The following PHACTR1 variants were observed in gnomAD, a reference collection of about 807,000 sequenced individuals.
The protein encoded by PHACTR1 is RPEL repeat containing 1.
In PHACTR1, 16 loss-of-function variants were observed where a neutral mutation model predicts 69.2. That is an observed-to-expected ratio of 0.23 (90% CI 0.16 to 0.35). PHACTR1 has a LOEUF of 0.35. PHACTR1 is among the 10% of genes least tolerant of loss of function. The pLI is 1.00. For synonymous variants in PHACTR1, 312 were observed against 284.5 expected, an observed-to-expected ratio of 1.10 and a Z score of -0.97; for missense variants, 510 against 734.7, an observed-to-expected ratio of 0.69 and a Z score of 3.54.
chr6:12,721,375 T>C (rs1175992304), intron 3 of PHACTR1, among the ~76,000 whole-genome samples: 1 of 147,496 alleles, frequency 6.8e-6, no homozygotes, highest in East Asian at 2.0e-4. Context: ...CAGAGTGAGA[T>C]TCTGTCAAAA....
chr6:12,800,965 C>T (rs1218750050), intron 4 of PHACTR1, among the ~76,000 whole-genome samples: 1 of 151,696 alleles, frequency 6.6e-6, no homozygotes, highest in African/African-American at 2.4e-5. Context: ...TGAATTATGC[C>T]AATACATTTT....
intron 4 of PHACTR1, among the ~76,000 whole-genome samples, chr6:12,888,148 A>T (rs1469996236): frequency 6.6e-6 from 1 of 150,854 alleles, no homozygotes; most frequent in Non-Finnish European, 1.5e-5. Context: ...CTCTGCTTCC[A>T]TAAATGGATT....
chr6:12,875,080 C>T (rs890816409), intron 4 of PHACTR1, among the ~76,000 whole-genome samples: 16 of 152,064 alleles, frequency 1.1e-4, no homozygotes, highest in African/African-American at 3.9e-4. Flanking sequence ...TAAAAAGAAC[C>T]AAGCTTACAG....
At chr6:12,930,360 G>C (rs1788732551) in intron 4 of PHACTR1, among the ~76,000 whole-genome samples, 2 of 152,164 alleles carry the variant, frequency 1.3e-5, no homozygotes, top group Non-Finnish European at 2.9e-5. Context: ...ATTTTTTTGG[G>C]TGTGTGGAGA....
At chr6:12,743,680 G>A (rs1765372757) in intron 3 of PHACTR1, among the ~76,000 whole-genome samples, 2 of 152,150 alleles carry the variant, frequency 1.3e-5, no homozygotes, top group Admixed American at 1.3e-4. Context: ...GACCTACAGA[G>A]ACTTAGACTA....
intron 10 of PHACTR1, among the ~76,000 whole-genome samples, chr6:13,243,244 CTTTTT>C (rs58107564): frequency 7.3e-6 from 1 of 136,262 alleles, no homozygotes; most frequent in Non-Finnish European, 1.6e-5. Context: ...TGTCAGACCA[CTTTTT>C]TTTTTTTTTT....
intron 4 of PHACTR1, among the ~76,000 whole-genome samples, chr6:12,973,534 AT>A (rs576704405): frequency 1.4e-3 from 210 of 152,362 alleles, no homozygotes; most frequent in African/African-American, 4.9e-3. Flanking sequence ...TTTACATTGC[AT>A]TATAAACTGT....
chr6:13,040,417 G>A (rs1803961243), intron 4 of PHACTR1, among the ~76,000 whole-genome samples: 1 of 152,108 alleles, frequency 6.6e-6, no homozygotes, highest in South Asian at 2.1e-4. Context: ...GTGTCCTAAA[G>A]GAAAACTAAA....
intron 5 of PHACTR1, among the ~76,000 whole-genome samples, chr6:13,119,542 TAG>T (rs1818378251): frequency 6.6e-6 from 1 of 152,100 alleles, no homozygotes; most frequent in Non-Finnish European, 1.5e-5. Context: ...TAGCCCAGAA[TAG>T]ATGCTGGGGG....
chr6:12,757,910 G>C (rs111393404), intron 4 of PHACTR1, among the ~76,000 whole-genome samples: 1 of 152,066 alleles, frequency 6.6e-6, no homozygotes, highest in Non-Finnish European at 1.5e-5. Context: ...TCAGGAGTTC[G>C]AGACGAGCCT....
chr6:13,153,789 GGT>G (rs1757793992), intron 5 of PHACTR1, among the ~76,000 whole-genome samples: 1 of 152,110 alleles, frequency 6.6e-6, no homozygotes, highest in Non-Finnish European at 1.5e-5. Context: ...TGATCAATTA[GGT>G]GTTAGAGGTT....
intron 4 of PHACTR1, among the ~76,000 whole-genome samples, chr6:12,938,064 C>T (rs1019338259): frequency 2.0e-5 from 3 of 151,974 alleles, no homozygotes; most frequent in African/African-American, 4.8e-5. Flanking sequence ...CACGCCACTG[C>T]ACTCCAGCCT....
At chr6:13,268,839 G>T (rs1777190620) in intron 10 of PHACTR1, among the ~76,000 whole-genome samples, 1 of 152,200 alleles carries the variant, frequency 6.6e-6, no homozygotes, top group Non-Finnish European at 1.5e-5. Context: ...GATTAGTCTT[G>T]ATGTTCTCAG....
At chr6:12,939,146 G>A (rs772498586) in intron 4 of PHACTR1, among the ~76,000 whole-genome samples, 1 of 152,178 alleles carries the variant, frequency 6.6e-6, no homozygotes, top group Non-Finnish European at 1.5e-5. Context: ...CCAGAACTGA[G>A]ACTGCTGGAT....
At chr6:12,780,247 C>CTG (rs1325407050) in intron 4 of PHACTR1, among the ~76,000 whole-genome samples, 257 of 96,544 alleles carry the variant, frequency 2.7e-3, no homozygotes, top group Middle Eastern at 9.3e-3. Flanking sequence ...TATATCTTTT[C>CTG]TCTGTGTGTG....
At chr6:13,239,724 C>T (rs1236006880) in intron 10 of PHACTR1, among the ~76,000 whole-genome samples, 6 of 152,240 alleles carry the variant, frequency 3.9e-5, no homozygotes. Context: ...TGCCCTCTTA[C>T]CCAGCCTCTA....
At chr6:12,895,012 G>A (rs1370801659) in intron 4 of PHACTR1, among the ~76,000 whole-genome samples, 1 of 151,888 alleles carries the variant, frequency 6.6e-6, no homozygotes, top group African/African-American at 2.4e-5. Flanking sequence ...AACACTGTTT[G>A]GCACACCAGG....
chr6:13,184,149 G>A (rs909959211), intron 7 of PHACTR1, among the ~76,000 whole-genome samples: 7 of 152,252 alleles, frequency 4.6e-5, no homozygotes, highest in Non-Finnish European at 8.8e-5. Context: ...TTTGGGCTGA[G>A]AGGCTGCTGC....
intron 5 of PHACTR1, among the ~76,000 whole-genome samples, chr6:13,056,071 T>C (rs1376755460): frequency 6.6e-6 from 1 of 152,210 alleles, no homozygotes; most frequent in Non-Finnish European, 1.5e-5. Flanking sequence ...CTTTATATCA[T>C]GATAGATGGA....
Sources: allele counts gnomAD v4.1 joint callset (sites outside exome capture counted in the v4.1 genomes callset), GRCh38; gene constraint gnomAD v4.1.1; transcripts MANE v1.5; gene names NCBI Gene and HGNC (gene_info 2026-07-23, HGNC 2026-07-21).